The following CTNNA2 variants were observed in gnomAD, a reference collection of about 807,000 sequenced individuals.
CTNNA2 encodes the protein catenin alpha 2.
In CTNNA2, 42 loss-of-function variants were observed where a neutral mutation model predicts 101.0. That is an observed-to-expected ratio of 0.42 (90% CI 0.32 to 0.54). The LOEUF (loss-of-function observed/expected upper bound fraction) is 0.54. CTNNA2 is among the 20% of genes least tolerant of loss of function. The probability of loss-of-function intolerance (pLI) is 0.14; values close to 1 mark genes in which losing one functional copy is unlikely to be tolerated. For synonymous variants in CTNNA2, 450 were observed against 456.4 expected (o/e 0.99, Z 0.18); for missense variants, 871 against 1,223.1 (o/e 0.71, Z 4.29).
chr2:80,201,367 C>CTTTTT lies in CTNNA2; in HGVS notation c.1057-191824_1057-191820dup, dbSNP rs60448795. On this transcript the variant is annotated intron_variant, in intron 7 of 18. Transcript: ENST00000402739. Reference sequence around the variant, plus strand: ...GTATCCACAATATTTCTTTTTCTTTCTTTTTTTTTTTTTTTTTTTTTTTTG... The same window carrying CTTTTT: ...GTATCCACAATATTTCTTTTTCTTTCTTTTTTTTTTTTTTTTTTTTTTTTTTTTTG... Among the ~76,000 whole-genome samples the CTTTTT allele has an allele frequency of 9.2e-3, 745 of 80,718 alleles. 2 individuals are homozygous for CTTTTT. Among genetic ancestry groups the CTTTTT allele is most frequent in the African/African-American group, 0.021 (393 of 18,920 alleles). 53.0% of individuals were successfully genotyped at this position (80,718 alleles called of 152,430 possible).
At chr2:79,996,137 G>A (rs1692527477) in intron 7 of CTNNA2, among the ~76,000 whole-genome samples, 1 of 152,174 alleles carries the variant, frequency 6.6e-6, no homozygotes, top group Non-Finnish European at 1.5e-5. Flanking sequence ...GTGAATTACT[G>A]TTATGTCTTA....
At position 79,574,466 on chromosome 2, in the gene CTNNA2, G is replaced by T. The variant is rs369083306; in HGVS notation, c.-6+61259G>T. The stretch of plus-strand genomic sequence containing the variant: ...TACCACTTTTAAGTGAGAACATGTG[G>T]TATTTGGTTTTCTGTTCCTGTGTTT... On this transcript the variant is annotated intron_variant, in intron 1 of 18. Transcript: ENST00000402739. Among the ~76,000 whole-genome samples the T allele has an allele frequency of 3.3e-5, 5 of 152,122 alleles. No individual in the cohort carries two copies. In the East Asian group the frequency reaches 5.8e-4, roughly 18 times the overall value.
chr2:80,387,125 A>T (rs1677084322), intron 7 of CTNNA2, among the ~76,000 whole-genome samples: 1 of 152,088 alleles, frequency 6.6e-6, no homozygotes, highest in Admixed American at 6.5e-5. Context: ...CGTCTTTATT[A>T]AAAATACAAA....
chr2:79,570,912 A>G (rs560436426), intron 1 of CTNNA2, among the ~76,000 whole-genome samples: 1 of 152,298 alleles, frequency 6.6e-6, no homozygotes, highest in African/African-American at 2.4e-5. Flanking sequence ...CCAAACTCCA[A>G]AGTATGTATA....
At chr2:80,409,361 TG>T (rs1343345656) in intron 8 of CTNNA2, among the ~76,000 whole-genome samples, 2 of 152,174 alleles carry the variant, frequency 1.3e-5, no homozygotes, top group Non-Finnish European at 2.9e-5. Flanking sequence ...TTTACAGTGT[TG>T]TTTAGGCCAG....
intron 4 of CTNNA2, 80 bp from the exon 5 acceptor site, chr2:79,869,736 G>A: frequency 6.5e-7 from 1 of 1,531,988 alleles, no homozygotes; most frequent in Non-Finnish European, 8.7e-7. Context: ...AGAGTTTTTG[G>A]GTGCAAATTC....
At chr2:79,694,633 TTCTGTTG>T in intron 2 of CTNNA2, among the ~76,000 whole-genome samples, 1 of 151,906 alleles carries the variant, frequency 6.6e-6, no homozygotes, top group Non-Finnish European at 1.5e-5. Context: ...TATCTAGTGA[TTCTGTTG>T]ACATCGTAAT....
intron 7 of CTNNA2, among the ~76,000 whole-genome samples, chr2:79,977,044 C>T (rs921922516): frequency 1.3e-5 from 2 of 152,158 alleles, no homozygotes; most frequent in African/African-American, 4.8e-5. Flanking sequence ...TTCTGATTCA[C>T]ACAGAGCTTG....
intron 9 of CTNNA2, among the ~76,000 whole-genome samples, chr2:80,523,869 G>A (rs1367588565): frequency 1.3e-5 from 2 of 152,196 alleles, no homozygotes; most frequent in Non-Finnish European, 2.9e-5. Context: ...TTCAGAGTAA[G>A]GGAAGATTAC....
At chr2:80,500,086 C>A (rs1459988059) in intron 9 of CTNNA2, among the ~76,000 whole-genome samples, 1 of 152,090 alleles carries the variant, frequency 6.6e-6, no homozygotes, top group Non-Finnish European at 1.5e-5. Context: ...TATGATTAAA[C>A]CTTTTCCAAA....
At chr2:79,812,894 G>C (rs1677163517) in intron 3 of CTNNA2, among the ~76,000 whole-genome samples, 3 of 152,116 alleles carry the variant, frequency 2.0e-5, no homozygotes, top group Admixed American at 6.6e-5. Flanking sequence ...GTCTAATGCA[G>C]AGAGAGAAAG....
At chr2:79,817,953 T>G (rs72824577) in intron 3 of CTNNA2, among the ~76,000 whole-genome samples, 15,319 of 152,248 alleles carry the variant, frequency 0.1, 1,081 homozygotes, top group African/African-American at 0.19. Flanking sequence ...ATGAAGAATT[T>G]TATGCTGTTC....
At chr2:79,733,303 A>G (rs951578303) in intron 2 of CTNNA2, among the ~76,000 whole-genome samples, 13 of 152,122 alleles carry the variant, frequency 8.5e-5, no homozygotes, top group Non-Finnish European at 1.6e-4. Flanking sequence ...ACATATTTTA[A>G]CTTCTCAGCT....
At chr2:79,884,016 C>T (rs538140846) in intron 6 of CTNNA2, among the ~76,000 whole-genome samples, 1 of 152,280 alleles carries the variant, frequency 6.6e-6, no homozygotes, top group South Asian at 2.1e-4. Context: ...ATGTATATTA[C>T]AAGCTATTGC....
chr2:80,267,932 T>C (rs1176063900), intron 7 of CTNNA2, among the ~76,000 whole-genome samples: 1 of 152,238 alleles, frequency 6.6e-6, no homozygotes, highest in Non-Finnish European at 1.5e-5. Flanking sequence ...GATGTCTTCC[T>C]TTCTGCTTCC....
At chr2:79,741,136 A>G (rs1671261301) in intron 2 of CTNNA2, among the ~76,000 whole-genome samples, 1 of 152,162 alleles carries the variant, frequency 6.6e-6, no homozygotes, top group African/African-American at 2.4e-5. Flanking sequence ...CTAGGCTGAG[A>G]ATTCCCAAGA....
chr2:79,226,447 G>C (rs1572988478), intron 2 of CTNNA2, among the ~76,000 whole-genome samples: 2 of 149,708 alleles, frequency 1.3e-5, no homozygotes, highest in South Asian at 2.2e-4. Context: ...GTTAATGTCA[G>C]TTATTTTTTG....
At chr2:79,520,586 A>C (rs1274172927) in intron 1 of CTNNA2, among the ~76,000 whole-genome samples, 3 of 152,206 alleles carry the variant, frequency 2.0e-5, no homozygotes, top group Non-Finnish European at 4.4e-5. Context: ...CTCTCTCTGT[A>C]TGTTTGACAA....
At chr2:79,265,210 A>G (rs1015647023) in intron 2 of CTNNA2, among the ~76,000 whole-genome samples, 1 of 152,200 alleles carries the variant, frequency 6.6e-6, no homozygotes, top group African/African-American at 2.4e-5. Flanking sequence ...AATATTAGCT[A>G]TGGATAACAC....
Sources: allele counts gnomAD v4.1 joint callset (sites outside exome capture counted in the v4.1 genomes callset), GRCh38; gene constraint gnomAD v4.1.1; transcripts MANE v1.5; gene names NCBI Gene and HGNC (gene_info 2026-07-23, HGNC 2026-07-21).